Variants in ARSG observed in about 807,000 individuals in gnomAD.
ARSG encodes the protein arylsulfatase G.
In ARSG, 37 loss-of-function variants were observed where a neutral mutation model predicts 50.5. The ratio of observed to expected loss-of-function variants is 0.73; its 90% CI spans 0.56 to 0.96. The LOEUF (loss-of-function observed/expected upper bound fraction) is 0.96. ARSG is among the 50% of genes least tolerant of loss of function. The pLI, the probability that ARSG is intolerant of heterozygous loss-of-function variation, is 0.00. For synonymous variants in ARSG, 225 were observed against 254.6 expected, an observed-to-expected ratio of 0.88 and a Z score of 1.11; for missense variants, 629 against 675.3, an observed-to-expected ratio of 0.93 and a Z score of 0.76.
chr17:68,364,459 C>T (rs1277664717), intron 6 of ARSG, among the ~76,000 whole-genome samples: 6 of 152,046 alleles, frequency 3.9e-5, no homozygotes, highest in Non-Finnish European at 4.4e-5. Context: ...CTGCAACCTC[C>T]GCCTCCTGGG....
At chr17:68,353,947 C>G (rs980562039) in intron 5 of ARSG, among the ~76,000 whole-genome samples, 5 of 151,684 alleles carry the variant, frequency 3.3e-5, no homozygotes, top group African/African-American at 1.2e-4. Context: ...AGTGATCTGC[C>G]TACCTCGGCT....
intron 2 of ARSG, among the ~76,000 whole-genome samples, chr17:68,333,396 G>A (rs543783859): frequency 9.7e-4 from 147 of 152,206 alleles, no homozygotes; most frequent in Non-Finnish European, 1.8e-3. Flanking sequence ...GGGAGGCCAA[G>A]GCGGGCGGAT....
At chr17:68,383,267 T>C (rs1342646906) in intron 8 of ARSG, among the ~76,000 whole-genome samples, 4 of 152,154 alleles carry the variant, frequency 2.6e-5, no homozygotes, top group African/African-American at 7.2e-5. Context: ...CAATCCCTAA[T>C]TGGTGAAGAC....
rs190184093 is a variant in ARSG at position 68,281,393 on chromosome 17, C to T, written c.-552+21967C>T. Among the ~76,000 whole-genome samples, 3 of 152,076 alleles carry T rather than the reference C, an allele frequency of 2.0e-5. No homozygotes were observed. In the East Asian group the frequency reaches 5.8e-4, roughly 29 times the overall value. The stretch of plus-strand genomic sequence containing the variant: ...ACCATCCTGGCCAACATAGTGAAAT[C>T]CCGTCTCTACTAAAAATACAAAAAT... On this transcript the variant is annotated intron_variant, in intron 1 of 11. Transcript: ENST00000448504.
intron 2 of ARSG, among the ~76,000 whole-genome samples, chr17:68,338,479 G>T (rs2078127295): frequency 6.6e-6 from 1 of 152,148 alleles, no homozygotes; most frequent in Admixed American, 6.5e-5. Context: ...AGTAGAGGCA[G>T]CATGGTTTAA....
chr17:68,278,170 C>A, intron 1 of ARSG: 1 of 1,614,102 alleles, frequency 6.2e-7, no homozygotes, highest in Non-Finnish European at 8.5e-7. Flanking sequence ...TCCATTAAGT[C>A]ATTAAAGAAG....
intron 8 of ARSG, among the ~76,000 whole-genome samples, chr17:68,373,176 G>A (rs575368906): frequency 9.9e-5 from 15 of 151,654 alleles, no homozygotes; most frequent in African/African-American, 3.4e-4. Context: ...GCCTCCCAAA[G>A]TGCTGGGATT....
chr17:68,428,735 A>G, the ARSG span: 3 of 948,738 alleles, frequency 3.2e-6, no homozygotes, highest in African/African-American at 3.2e-5. Context: ...GAACAAATCA[A>G]TGCAAGGGCA....
intron 11 of ARSG, among the ~76,000 whole-genome samples, chr17:68,408,527 T>A (rs2081851492): frequency 6.6e-6 from 1 of 152,072 alleles, no homozygotes. Flanking sequence ...TCTATCATTG[T>A]TGGACATTTG....
intron 7 of ARSG, among the ~76,000 whole-genome samples, chr17:68,369,026 G>C (rs573840571): frequency 6.6e-6 from 1 of 152,338 alleles, no homozygotes; most frequent in South Asian, 2.1e-4. Flanking sequence ...AATTGCCATT[G>C]AATGACATTG....
At chr17:68,392,008 C>G (rs1368583267) in intron 9 of ARSG, among the ~76,000 whole-genome samples, 2 of 152,154 alleles carry the variant, frequency 1.3e-5, no homozygotes, top group African/African-American at 4.8e-5. Flanking sequence ...TTCTGCAGCC[C>G]CCTTAGAGGG....
chr17:68,379,421 A>ATTTTTTTT lies in ARSG; in HGVS notation c.983-5621_983-5614dup, dbSNP rs375841879. Among the ~76,000 whole-genome samples, 18 of 72,266 alleles carry ATTTTTTTT rather than the reference A, an allele frequency of 2.5e-4. 3 individuals carry two copies. The highest frequency in any genetic ancestry group is 1.0e-3 in the African/African-American group (16 of 15,826). 47.4% of individuals were successfully genotyped at this position (72,266 alleles called of 152,430 possible). A position where few individuals can be genotyped will look rare whatever the true frequency, so the allele number is the denominator to read the frequency against. ...GTGCCACCATGCCTGGAACACTACA[A>ATTTTTTTT]TTTTTTTTTTTTTTTTTTTTTTTTT... On this transcript the variant is annotated intron_variant, in intron 8 of 11. Transcript: ENST00000621439.
chr17:68,370,669 C>T lies in ARSG; in HGVS notation c.982+145C>T, dbSNP rs1220831575. On this transcript the variant is annotated intron_variant, in intron 8 of 11. Transcript: ENST00000621439. Reference sequence around the variant, plus strand: ...AACAGGGACACATTTGCTCACCAGCCACCAGCACCCAGACAAGAAGGAACA... The same window carrying T: ...AACAGGGACACATTTGCTCACCAGCTACCAGCACCCAGACAAGAAGGAACA... 4.3e-6 allele frequency: 3 copies of T among 697,870 alleles called. No homozygotes were observed. In the East Asian group the frequency reaches 8.3e-5, roughly 19 times the overall value. 43.2% of individuals were successfully genotyped at this position (697,870 alleles called of 1,614,324 possible). A position where few individuals can be genotyped will look rare whatever the true frequency, so the allele number is the denominator to read the frequency against.
chr17:68,388,922 C>CA (rs35105754), intron 9 of ARSG, among the ~76,000 whole-genome samples: 288 of 107,854 alleles, frequency 2.7e-3, no homozygotes, highest in African/African-American at 3.7e-3. Context: ...GACTCTGTCT[C>CA]AAAAAAAAAA....
chr17:68,331,439 T>C (rs964469757), intron 2 of ARSG, among the ~76,000 whole-genome samples: 4 of 151,856 alleles, frequency 2.6e-5, no homozygotes, highest in African/African-American at 9.7e-5. Context: ...AGAGACGGGG[T>C]TTCACCGTGT....
At chr17:68,303,454 C>T (rs1472923667) in intron 1 of ARSG, among the ~76,000 whole-genome samples, 1 of 151,508 alleles carries the variant, frequency 6.6e-6, no homozygotes, top group Non-Finnish European at 1.5e-5. Context: ...ATTTTTGTTT[C>T]GTTTTATTTT....
At chr17:68,434,655 T>TA in the ARSG span, 1 of 1,611,662 alleles carries the variant, frequency 6.2e-7, no homozygotes, top group East Asian at 2.2e-5. Flanking sequence ...GGACATTTCA[T>TA]AACCATTAGT....
the ARSG span, among the ~76,000 whole-genome samples, chr17:68,437,228 A>C: frequency 6.6e-6 from 1 of 152,010 alleles, no homozygotes; most frequent in Non-Finnish European, 1.5e-5. Context: ...TTCAAGTTGG[A>C]GAAGAGGAGC....
intron 8 of ARSG, 42 bp downstream of exon 8, chr17:68,370,566 T>C: frequency 6.3e-7 from 1 of 1,583,218 alleles, no homozygotes; most frequent in Non-Finnish European, 8.7e-7. Flanking sequence ...ATTGCAATGC[T>C]GAGCCCAGGC....
Sources: gnomAD v4.1 joint callset for allele counts (sites outside exome capture counted in the v4.1 genomes callset) on GRCh38, gnomAD v4.1.1 for gene constraint, MANE v1.5 for transcripts, NCBI Gene and HGNC (gene_info 2026-07-23, HGNC 2026-07-21) for gene names.